The following DYNC1H1 variants were observed in gnomAD, a reference collection of about 807,000 sequenced individuals.
DYNC1H1 encodes cytoplasmic dynein 1 heavy chain 1.
Under a neutral mutation model 527.1 loss-of-function variants are expected in DYNC1H1, and 51 were observed. The ratio of observed to expected loss-of-function variants is 0.10; its 90% confidence interval spans 0.08 to 0.12. The LOEUF is 0.12. Ranked by LOEUF, DYNC1H1 falls within the 10% of genes least tolerant of loss-of-function variation. DYNC1H1 has a pLI of 1.00. For synonymous variants in DYNC1H1, 2,189 were observed against 2,278.8 expected (o/e 0.96, Z 1.12); for missense variants, 2,771 against 5,971.8 (o/e 0.46, Z 17.66).
At chr14:102,046,161 T>C (rs1451068084) in intron 72 of DYNC1H1, among the ~76,000 whole-genome samples, 2 of 150,172 alleles carry the variant, frequency 1.3e-5, no homozygotes, top group African/African-American at 2.5e-5. Context: ...GAGCAAGACT[T>C]TGTCTCAAAA....
At chr14:102,047,469 A>G (rs940114559) in intron 72 of DYNC1H1, among the ~76,000 whole-genome samples, 2 of 151,858 alleles carry the variant, frequency 1.3e-5, no homozygotes, top group Non-Finnish European at 2.9e-5. Flanking sequence ...CCCAGGAGGC[A>G]GAGGTTGCAG....
intron 64 of DYNC1H1, 102 bp downstream of exon 64, chr14:102,040,775 C>T (rs1039411208): frequency 5.3e-5 from 71 of 1,339,314 alleles, no homozygotes; most frequent in Admixed American, 4.9e-4. Flanking sequence ...GCCTGGGCAA[C>T]ATAGTAAGGC....
rs535212827 is a variant in DYNC1H1, at chr14:102,030,480, G to A, written c.9883+198G>A. ...TCTCTCAAAGCAAAGTTCCTACAAA[G>A]CTAGATTGTATTTACCATAGTGAAA... On this transcript the variant is annotated intron_variant, in intron 51 of 77. Transcript: ENST00000360184. 1.3e-4 allele frequency: 93 copies of A among 716,134 alleles called. 1 individual carries two copies. The South Asian group carries it at 1.7e-3, about 13-fold the overall frequency. 44.4% of individuals were successfully genotyped at this position (716,134 alleles called of 1,614,324 possible).
intron 1 of DYNC1H1, among the ~76,000 whole-genome samples, chr14:101,974,858 G>C (rs563162749): frequency 1.2e-3 from 177 of 152,302 alleles, no homozygotes; most frequent in Non-Finnish European, 2.1e-3. Context: ...AGTGACTACT[G>C]TGTGCATGTT....
chr14:101,969,511 G>A (rs756926540), intron 1 of DYNC1H1: 2 of 155,718 alleles, frequency 1.3e-5, no homozygotes, highest in Non-Finnish European at 2.9e-5. Flanking sequence ...GCCAGATGCA[G>A]GCCGTACAGT....
rs865975208 is a variant in DYNC1H1 at position 102,038,124 on chromosome 14, T to C, written c.10909-336T>C. 2 of 372,118 alleles carry C rather than the reference T, an allele frequency of 5.4e-6. No homozygotes were observed. The highest frequency in any genetic ancestry group is 5.2e-6 in the Non-Finnish European group (1 of 192,108). The allele number at this position is 372,118 out of a possible 1,614,324, so 23.1% of individuals were successfully genotyped here. On this transcript the variant is annotated intron_variant, in intron 57 of 77. Coordinates refer to ENST00000360184, the MANE Select transcript of DYNC1H1 (RefSeq NM_001376.5). This position sits in a 1 kb window ranked among gnomAD's most constrained non-coding sequence, Gnocchi z 7.2. ...TCCCAGGTAGCTGGGACTACAGGCA[T>C]GTGCCATACACCCCCAGCTAACTTT...
In DYNC1H1 at chr14:101,985,785, T is replaced by C. The variant is rs761916499; in HGVS notation, c.1560T>C (p.Ile520=). The change falls in exon 8 of 78, where the codon ATT becomes ATC. Residue 520 remains isoleucine, a synonymous_variant. Transcript: ENST00000360184. The surrounding 1 kb of genome is among the most constrained non-coding windows in gnomAD (Gnocchi z 5.9). ...TTGATGCTGCAGATGCAAATGCCATTGAGGAAGTAAACCTTGCTTATGAGA... is the reference window on the plus strand; with the variant it reads ...TTGATGCTGCAGATGCAAATGCCATCGAGGAAGTAAACCTTGCTTATGAGA... The part of the protein sequence containing the change: ...VLFDAADANA[I]EEVNLAYENV... 5.0e-5 allele frequency: 80 copies of C among 1,613,980 alleles called. No individual in the cohort carries two copies. Among genetic ancestry groups the C allele is most frequent in the Non-Finnish European group, 5.1e-6 (6 of 1,180,032 alleles).
In DYNC1H1 at chr14:102,041,050, G is replaced by T; in HGVS notation, c.11941+377G>T. ...GGAGATCGCTTCTAGGTAGGTGTTG[G>T]CTTAGAAGTAAATCAGAAATTTCCA... On this transcript the variant is annotated intron_variant, in intron 64 of 77. Transcript: ENST00000360184. The surrounding 1 kb of genome is among the most constrained non-coding windows in gnomAD (Gnocchi z 4.5). 2.8e-6 allele frequency: 1 copy of T among 360,148 alleles called. No individual in the cohort carries two copies. The highest frequency in any genetic ancestry group is 5.3e-6 in the Non-Finnish European group (1 of 188,634). 22.3% of individuals were successfully genotyped at this position (360,148 alleles called of 1,614,324 possible).
Position 102,027,447 on chromosome 14 carries a change from G to T in DYNC1H1, c.8951G>T (p.Gly2984Val), listed in dbSNP as rs1463719914. The T allele has an allele frequency of 6.2e-7, 1 of 1,614,106 alleles. No individual in the cohort carries two copies. The highest frequency in any genetic ancestry group is 8.5e-7 in the Non-Finnish European group (1 of 1,180,030). Residue 2984 changes from glycine (G) to valine (V), a missense_variant, in exon 46 of 78, where the codon GGC (glycine) becomes GTC (valine). Transcript: ENST00000360184. The surrounding 1 kb of genome is among the most constrained non-coding windows in gnomAD (Gnocchi z 7.7). ...CTACGGACAGTGTTGAGACGTTCTG[G>T]CTGTAAAAATGAAAAGATAGCATTT... Reference protein sequence around the residue: ...EDLRTVLRRSGCKNEKIAFIM... With the variant: ...EDLRTVLRRSVCKNEKIAFIM...
At position 102,002,792 on chromosome 14, in the gene DYNC1H1, C is replaced by T; in HGVS notation, c.4710C>T (p.Ser1570=). 2.5e-6 allele frequency: 4 copies of T among 1,614,234 alleles called. No individual in the cohort carries two copies. Among genetic ancestry groups the T allele is most frequent in the Non-Finnish European group, 2.5e-6 (3 of 1,180,052 alleles). The part of the protein sequence containing the change: ...LLPVETQRFQ[S]ISTEFLALMK... ...ACGCATGTTTTAATTTCATTTGTAG[C>T]ATCAGCACTGAGTTTTTGGCTCTAA... is the stretch of plus-strand genomic sequence containing the variant. Residue 1570 remains serine (S), a splice_region_variant and synonymous_variant, in exon 23 of 78, where the codon AGC becomes AGT. Coordinates refer to ENST00000360184, the MANE Select transcript of DYNC1H1 (RefSeq NM_001376.5). The surrounding 1 kb of genome is among the most constrained non-coding windows in gnomAD (Gnocchi z 4.4).
At position 102,001,089 on chromosome 14, in the gene DYNC1H1, A is replaced by C. The variant is rs376448084; in HGVS notation, c.4185+25A>C. 3.7e-4 allele frequency: 591 copies of C among 1,613,860 alleles called. No homozygotes were observed. The highest frequency in any genetic ancestry group is 4.6e-4 in the Non-Finnish European group (543 of 1,179,860). Reference sequence around the variant, plus strand: ...GGTAGGTGGCCAGTATCGCACGGTGATGAGTGTCCATTAGAAACGCACCTG... The same window carrying C: ...GGTAGGTGGCCAGTATCGCACGGTGCTGAGTGTCCATTAGAAACGCACCTG... On this transcript the variant is annotated intron_variant, in intron 19 of 77. Coordinates refer to ENST00000360184, the MANE Select transcript of DYNC1H1 (RefSeq NM_001376.5). The surrounding 1 kb of genome is among the most constrained non-coding windows in gnomAD (Gnocchi z 5.0).
Position 102,011,037 on chromosome 14 carries a change from T to G in DYNC1H1, c.6618+85T>G, listed in dbSNP as rs1167773040. 2 of 1,421,042 alleles carry G rather than the reference T, an allele frequency of 1.4e-6. No individual in the cohort carries two copies. The highest frequency in any genetic ancestry group is 2.0e-6 in the Non-Finnish European group (2 of 1,006,660). The allele number at this position is 1,421,042 out of a possible 1,614,324, so 88.0% of individuals were successfully genotyped here. A position where few individuals can be genotyped will look rare whatever the true frequency, so the allele number is the denominator to read the frequency against. On this transcript the variant is annotated intron_variant, in intron 32 of 77. Transcript: ENST00000360184. The surrounding 1 kb of genome is among the most constrained non-coding windows in gnomAD (Gnocchi z 5.3). The stretch of plus-strand genomic sequence containing the variant: ...GTAATGACAACCGTGGGCCCTTCGA[T>G]GAAACTGTCCACAAAGGCTGTGGAG...
chr14:102,040,805 A>C, intron 64 of DYNC1H1, 132 bp downstream of exon 64: 1 of 1,144,544 alleles, frequency 8.7e-7, no homozygotes, highest in Non-Finnish European at 1.3e-6. Context: ...ACAAAAAATA[A>C]AACCTTAGCC....
At chr14:102,046,124 C>T (rs2048714442) in intron 72 of DYNC1H1, among the ~76,000 whole-genome samples, 1 of 151,302 alleles carries the variant, frequency 6.6e-6, no homozygotes, top group Non-Finnish European at 1.5e-5. Flanking sequence ...GCCGAGATGG[C>T]ACCACTGCAC....
rs1207083946 is a variant in DYNC1H1, at chr14:102,033,768, C to T, written c.10414-208C>T. Reference sequence around the variant, plus strand: ...CTGCCTGAGGGCCTCGCTCCGTACCCAGCTTCTGCCCCGCTGAGATTCTGA... The same window carrying T: ...CTGCCTGAGGGCCTCGCTCCGTACCTAGCTTCTGCCCCGCTGAGATTCTGA... On this transcript the variant is annotated intron_variant, in intron 54 of 77. Coordinates refer to ENST00000360184, the MANE Select transcript of DYNC1H1 (RefSeq NM_001376.5). The surrounding 1 kb of genome is among the most constrained non-coding windows in gnomAD (Gnocchi z 5.6). 2 of 695,050 alleles carry T rather than the reference C, an allele frequency of 2.9e-6. No homozygotes were observed. The highest frequency in any genetic ancestry group is 4.9e-6 in the Non-Finnish European group (2 of 408,698). 43.1% of individuals were successfully genotyped at this position (695,050 alleles called of 1,614,324 possible).
At chr14:101,966,453 A>T (rs1278495180) in intron 1 of DYNC1H1, among the ~76,000 whole-genome samples, 1 of 151,892 alleles carries the variant, frequency 6.6e-6, no homozygotes, top group Non-Finnish European at 1.5e-5. Flanking sequence ...TCCAAAAAAC[A>T]TATAGTCATT....
intron 63 of DYNC1H1, 55 bp from the exon 64 acceptor site, chr14:102,040,543 T>A: frequency 6.2e-7 from 1 of 1,613,086 alleles, no homozygotes; most frequent in Non-Finnish European, 8.5e-7. Context: ...CAGTCGTGGG[T>A]TCTGCCCCAG....
At chr14:102,046,797 C>T (rs1386359490) in intron 72 of DYNC1H1, among the ~76,000 whole-genome samples, 3 of 148,860 alleles carry the variant, frequency 2.0e-5, no homozygotes, top group Admixed American at 6.6e-5. Context: ...CTGCTGGTTC[C>T]GTTTTTTTTT....
At position 101,968,284 on chromosome 14, in the gene DYNC1H1, G is replaced by GGTTTTGTTTT. The variant is rs71116867; in HGVS notation, c.256+3352_256+3361dup. On this transcript the variant is annotated intron_variant, in intron 1 of 77. Coordinates refer to ENST00000360184, the MANE Select transcript of DYNC1H1 (RefSeq NM_001376.5). The stretch of plus-strand genomic sequence containing the variant: ...TTTTGTTTGTTTTTGGTGGGGAAAG[G>GGTTTTGTTTT]GTTTTGTTTTGTTTTGTTTTGTTTG... 6.1e-3 allele frequency among the ~76,000 whole-genome samples: 927 copies of GGTTTTGTTTT among 151,690 alleles called. 7 individuals are homozygous for GGTTTTGTTTT. The highest frequency in any genetic ancestry group is 0.022 in the African/African-American group (898 of 41,244).
Sources: gnomAD v4.1 joint callset for allele counts (sites outside exome capture counted in the v4.1 genomes callset) on GRCh38, gnomAD v4.1.1 for gene constraint, Gnocchi (gnomAD v3.1) non-coding constraint, MANE v1.5 for transcripts, NCBI Gene and HGNC (gene_info 2026-07-23, HGNC 2026-07-21) for gene names.